The following NRXN1 variants were observed in gnomAD, a reference collection of about 807,000 sequenced individuals.
The protein encoded by NRXN1 is neurexin 1.
NRXN1 carries 39 observed loss-of-function variants against 150.9 expected under a neutral mutation model. The ratio of observed to expected loss-of-function variants is 0.26; its 90% CI spans 0.20 to 0.34. The LOEUF is 0.34. Among genes scored for constraint, NRXN1 ranks in the 10% least tolerant of loss-of-function variants. The probability of loss-of-function intolerance (pLI) is 1.00; values close to 1 mark genes in which losing one functional copy is unlikely to be tolerated. For synonymous variants in NRXN1, 924 were observed against 757.0 expected (o/e 1.22, Z -3.62); for missense variants, 1,815 against 1,949.9 (o/e 0.93, Z 1.30).
intron 17 of NRXN1, among the ~76,000 whole-genome samples, chr2:50,269,010 G>C (rs1280831302): frequency 1.3e-5 from 2 of 152,170 alleles, no homozygotes; most frequent in Non-Finnish European, 2.9e-5. Context: ...TATCAGATAA[G>C]AGTCGCTTAA....
intron 8 of NRXN1, among the ~76,000 whole-genome samples, chr2:50,602,263 C>CA (rs1004238571): frequency 9.9e-5 from 15 of 151,396 alleles, no homozygotes; most frequent in Non-Finnish European, 1.8e-4. Flanking sequence ...CAAAACAAAA[C>CA]AAAAAAAATC....
At chr2:49,958,754 G>T (rs1675410338) in intron 21 of NRXN1, among the ~76,000 whole-genome samples, 2 of 152,110 alleles carry the variant, frequency 1.3e-5, no homozygotes, top group African/African-American at 4.8e-5. Flanking sequence ...ATTCTCCATA[G>T]GTACCCAAGT....
At chr2:50,907,409 C>A (rs567642662) in intron 5 of NRXN1, among the ~76,000 whole-genome samples, 1 of 152,194 alleles carries the variant, frequency 6.6e-6, no homozygotes, top group East Asian at 1.9e-4. Context: ...TTATACTTTT[C>A]TCTTGTTAAT....
At chr2:50,182,886 T>G (rs775685406) in intron 18 of NRXN1, among the ~76,000 whole-genome samples, 1 of 152,054 alleles carries the variant, frequency 6.6e-6, no homozygotes, top group African/African-American at 2.4e-5. Flanking sequence ...TTCAGTAAAG[T>G]AAATATAGTA....
At chr2:50,596,441 C>G (rs776590075) in intron 8 of NRXN1, among the ~76,000 whole-genome samples, 1 of 152,092 alleles carries the variant, frequency 6.6e-6, no homozygotes, top group Non-Finnish European at 1.5e-5. Flanking sequence ...CCAAAATAAC[C>G]CTTTGTTATC....
intron 5 of NRXN1, among the ~76,000 whole-genome samples, chr2:50,814,102 C>T (rs539190920): frequency 2.6e-5 from 4 of 152,100 alleles, no homozygotes; most frequent in South Asian, 2.1e-4. Context: ...ATGCAAAATG[C>T]AGCAGCCACG....
chr2:50,006,780 T>C (rs2152540149), intron 21 of NRXN1, among the ~76,000 whole-genome samples: 1 of 152,288 alleles, frequency 6.6e-6, no homozygotes, highest in South Asian at 2.1e-4. Flanking sequence ...AAAACTGTGC[T>C]TGTGATTCAA....
At chr2:50,562,054 T>C (rs1669172364) in intron 8 of NRXN1, among the ~76,000 whole-genome samples, 3 of 152,158 alleles carry the variant, frequency 2.0e-5, no homozygotes, top group Admixed American at 2.0e-4. Context: ...AGTAGCACTA[T>C]TATTATTATT....
intron 18 of NRXN1, among the ~76,000 whole-genome samples, chr2:50,217,733 G>A (rs2063504481): frequency 6.6e-6 from 1 of 151,996 alleles, no homozygotes; most frequent in South Asian, 2.1e-4. Flanking sequence ...TATGCAGAAA[G>A]AAACTTAACA....
chr2:49,981,478 G>C (rs1190577473), intron 21 of NRXN1, among the ~76,000 whole-genome samples: 2 of 151,982 alleles, frequency 1.3e-5, no homozygotes, highest in Non-Finnish European at 2.9e-5. Flanking sequence ...TGGACTATAC[G>C]AGAAACTTTT....
chr2:50,196,958 C>T (rs2061812585), intron 18 of NRXN1, among the ~76,000 whole-genome samples: 1 of 152,078 alleles, frequency 6.6e-6, no homozygotes, highest in African/African-American at 2.4e-5. Context: ...CTGTCGGGTA[C>T]TGGGCTTAAC....
chr2:49,960,850 G>T (rs1573064361), intron 21 of NRXN1, among the ~76,000 whole-genome samples: 1 of 152,272 alleles, frequency 6.6e-6, no homozygotes, highest in East Asian at 1.9e-4. Flanking sequence ...TTCATTGACA[G>T]AGGAGGCAAT....
At chr2:50,834,237 A>C (rs1319424787) in intron 5 of NRXN1, among the ~76,000 whole-genome samples, 2 of 151,520 alleles carry the variant, frequency 1.3e-5, no homozygotes, top group Non-Finnish European at 2.9e-5. Flanking sequence ...CTTAAATTTA[A>C]GATTCTCTGT....
In NRXN1 at chr2:50,656,246, A is replaced by C. The variant is rs1573989416; in HGVS notation, c.833-32631T>G. 2.4e-5 allele frequency: 15 copies of C among 612,440 alleles called. No homozygotes were observed. In the East Asian group the frequency reaches 4.2e-4, roughly 17 times the overall value. The allele number at this position is 612,440 out of a possible 1,614,324, so 37.9% of individuals were successfully genotyped here. A position where few individuals can be genotyped will look rare whatever the true frequency, so the allele number is the denominator to read the frequency against. The stretch of plus-strand genomic sequence containing the variant: ...TCTTTTTTAAACTTAAAGTCTAATC[A>C]TGCCCCTTCTTGGCTCAAAACCCAC... On this transcript the variant is annotated intron_variant, in intron 5 of 22. Coordinates refer to ENST00000401669, the MANE Select transcript of NRXN1 (RefSeq NM_001330078.2).
chr2:50,466,023 C>T (rs1425164609), intron 16 of NRXN1, among the ~76,000 whole-genome samples: 5 of 151,766 alleles, frequency 3.3e-5, no homozygotes, highest in South Asian at 2.1e-4. Flanking sequence ...TAGAGGTTTC[C>T]AAACGATAAA....
chr2:50,205,429 A>T (rs2062496998), intron 18 of NRXN1, among the ~76,000 whole-genome samples: 1 of 152,112 alleles, frequency 6.6e-6, no homozygotes, highest in Non-Finnish European at 1.5e-5. Flanking sequence ...AGAAGACTAC[A>T]TGAAGGCAGT....
chr2:50,704,604 A>G (rs1317495742), intron 5 of NRXN1, among the ~76,000 whole-genome samples: 1 of 150,956 alleles, frequency 6.6e-6, no homozygotes, highest in Non-Finnish European at 1.5e-5. Context: ...TTTTTTTAAC[A>G]TTGTTAGTCT....
intron 15 of NRXN1, among the ~76,000 whole-genome samples, chr2:50,474,926 G>A (rs903678049): frequency 6.7e-6 from 1 of 148,356 alleles, no homozygotes; most frequent in Non-Finnish European, 1.5e-5. Flanking sequence ...AAAATTGCCT[G>A]AGATTGTACC....
chr2:50,824,738 T>C (rs886847765), intron 5 of NRXN1, among the ~76,000 whole-genome samples: 2 of 152,140 alleles, frequency 1.3e-5, no homozygotes, highest in African/African-American at 4.8e-5. Flanking sequence ...TCCAGGGTCA[T>C]GCAAGGCTAA....
Sources: gnomAD v4.1 joint callset for allele counts (sites outside exome capture counted in the v4.1 genomes callset) on GRCh38, gnomAD v4.1.1 for gene constraint, MANE v1.5 for transcripts, NCBI Gene and HGNC (gene_info 2026-07-23, HGNC 2026-07-21) for gene names.